WDR45: variants seen among roughly 807,000 people sequenced by gnomAD.
The protein encoded by WDR45 is WD repeat domain phosphoinositide-interacting protein 4.
WDR45 carries 2 observed loss-of-function variants against 27.3 expected under a neutral mutation model. That is an observed-to-expected ratio of 0.07 (90% CI 0.03 to 0.23). The LOEUF (loss-of-function observed/expected upper bound fraction) is 0.23. Among genes scored for constraint, WDR45 ranks in the 10% least tolerant of loss-of-function variants. The pLI, the probability that WDR45 is intolerant of heterozygous loss-of-function variation, is 1.00. For synonymous variants in WDR45, 99 were observed against 119.2 expected, an observed-to-expected ratio of 0.83 and a Z score of 1.11; for missense variants, 175 against 311.9, an observed-to-expected ratio of 0.56 and a Z score of 3.31.
chrX:49,091,773 A>G (rs1293495846), intron 2 of WDR45, among the ~76,000 whole-genome samples: 1 of 103,505 alleles, frequency 9.7e-6, no homozygotes, highest in East Asian at 3.0e-4. Context: ...AAAAAAAAAA[A>G]AAAAAAAAAA....
At chrX:49,099,158 T>C in intron 2 of WDR45, among the ~76,000 whole-genome samples, 1 of 110,519 alleles carries the variant, frequency 9.0e-6, no homozygotes, top group South Asian at 3.8e-4. Flanking sequence ...ACCCCATCCC[T>C]ACTAAAAATA....
intron 1 of WDR45, among the ~76,000 whole-genome samples, chrX:49,078,516 C>T (rs1009838249): frequency 9.0e-6 from 1 of 111,524 alleles, no homozygotes; most frequent in South Asian, 3.8e-4. Context: ...AGCGAGACTC[C>T]GTCTCGGGGG....
rs868912448 is a variant in WDR45, at chrX:49,096,382, C to A, written c.-18+3823G>T. Among the ~76,000 whole-genome samples, 5 of 111,231 alleles carry A rather than the reference C, an allele frequency of 4.5e-5. No homozygotes were observed. In the South Asian group the frequency reaches 1.5e-3, roughly 33 times the overall value. ...TGTAGCTGAGACTACAGGCACGCAC[C>A]ACCACACCCAGCTAAATTTGTTTAT... On this transcript the variant is annotated intron_variant, in intron 2 of 11. Coordinates refer to the WDR45 transcript ENST00000356463.
At chrX:49,095,758 CCTTT>C (rs2065123242) in intron 2 of WDR45, among the ~76,000 whole-genome samples, 1 of 49,953 alleles carries the variant, frequency 2.0e-5, no homozygotes, top group African/African-American at 6.4e-5. Context: ...CCGTGCCCGG[CCTTT>C]TTTTTTTTTT....
At chrX:49,086,526 T>G (rs1243217980) in intron 2 of WDR45, among the ~76,000 whole-genome samples, 3 of 111,578 alleles carry the variant, frequency 2.7e-5, no homozygotes, top group Non-Finnish European at 3.8e-5. Context: ...AGATGCTCCT[T>G]TCTCTCTGGG....
At chrX:49,084,881 C>T (rs919842101), upstream of WDR45, among the ~76,000 whole-genome samples, 4 of 111,216 alleles carry the variant, frequency 3.6e-5, no homozygotes, top group East Asian at 5.6e-4. Context: ...GTAATCTGCC[C>T]GCCTCGGCCT....
intron 2 of WDR45, among the ~76,000 whole-genome samples, chrX:49,088,745 A>C (rs2065094692): frequency 8.9e-6 from 1 of 111,820 alleles, no homozygotes; most frequent in Non-Finnish European, 1.9e-5. Context: ...TGCCTTTGGG[A>C]GGCTGACATG....
chrX:49,082,237 C>T (rs1274086933), upstream of WDR45: 1 of 24,011 alleles, frequency 4.2e-5, no homozygotes, highest in Non-Finnish European at 4.3e-3. Context: ...TGATGAAATC[C>T]CCCCTTTACT....
Position 49,077,747 on chromosome X carries a change from T to G in WDR45, c.131A>C (p.Asp44Ala). The G allele has an allele frequency of 8.3e-7, 1 of 1,200,821 alleles. No individual in the cohort carries two copies. Among genetic ancestry groups the G allele is most frequent in the Non-Finnish European group, 1.1e-6 (1 of 889,615 alleles). Residue 44 changes from aspartate (D) to alanine (A), a missense_variant and splice_region_variant, in exon 4 of 11, where the codon GAC (aspartate) becomes GCC (alanine). Physicochemically the swap from Asp to Ala is moderately radical, Grantham distance 126. This residue lies in a region of WDR45 where 102 missense variants were observed against 165.4 expected (regional missense o/e 0.62). Coordinates refer to ENST00000376372, the MANE Select transcript of WDR45 (RefSeq NM_001029896.2). ...GCCCATGCTGCCCACCTGCTCGTGG[T>G]CTGGACAGGGACCAGGGTGTCAGTG... ...VEPLMEKGHL[D>A]HEQVGSMGLV...
intron 2 of WDR45, among the ~76,000 whole-genome samples, chrX:49,098,115 C>T (rs1271970932): frequency 1.8e-5 from 2 of 111,768 alleles, no homozygotes; most frequent in Admixed American, 1.9e-4. Context: ...CCAAACTGGG[C>T]TAATTTTTTG....
chrX:49,085,067 G>A (rs1030520135), intron 2 of WDR45, among the ~76,000 whole-genome samples: 6 of 112,255 alleles, frequency 5.3e-5, no homozygotes, highest in Non-Finnish European at 9.4e-5. Context: ...GCACTGGAAC[G>A]GGAAACTGAG....
intron 2 of WDR45, among the ~76,000 whole-genome samples, chrX:49,094,924 G>T (rs2065119715): frequency 9.1e-6 from 1 of 110,236 alleles, no homozygotes; most frequent in South Asian, 3.9e-4. Context: ...TAGTAGCTGG[G>T]ATTACAGGCA....
At chrX:49,096,540 T>G (rs1177216097) in intron 2 of WDR45, among the ~76,000 whole-genome samples, 1 of 112,620 alleles carries the variant, frequency 8.9e-6, no homozygotes, top group Non-Finnish European at 1.9e-5. Context: ...CTTGCTTATC[T>G]TTATAGATTC....
At chrX:49,076,909 A>C in intron 4 of WDR45, 159 bp from the exon 5 acceptor site, 2 of 468,759 alleles carry the variant, frequency 4.3e-6, no homozygotes, top group Non-Finnish European at 7.6e-6. Flanking sequence ...GCACTTGTGG[A>C]TATGATCCCT....
upstream of WDR45, among the ~76,000 whole-genome samples, chrX:49,082,987 C>T (rs782002124): frequency 9.1e-6 from 1 of 110,240 alleles, no homozygotes; most frequent in Non-Finnish European, 1.9e-5. Context: ...TCAAGCGATT[C>T]TCCTGCCTCA....
chrX:49,101,168 G>GA (rs1486173154), upstream of WDR45: 1 of 112,668 alleles, frequency 8.9e-6, no homozygotes, highest in African/African-American at 3.2e-5. Context: ...CCCAGGCACT[G>GA]AATGGCACCC....
Position 49,074,832 on chromosome X carries a change from G to C in WDR45, c.1054C>G (p.Leu352Val). 8.3e-7 allele frequency: 1 copy of C among 1,211,043 alleles called. No individual in the cohort carries two copies. Among genetic ancestry groups the C allele is most frequent in the Non-Finnish European group, 1.1e-6 (1 of 894,920 alleles). Residue 352 changes from leucine (L) to valine (V), a missense_variant, in exon 11 of 11, where the codon CTT becomes GTT. By Grantham distance (32) the Leu-to-Val change is conservative. This residue lies in a region of WDR45 where 71 missense variants were observed against 123.0 expected (regional missense o/e 0.58). Coordinates refer to ENST00000376372, the MANE Select transcript of WDR45 (RefSeq NM_001029896.2). The part of the protein sequence containing the change: ...NCNREAFDVY[L>V]DICDDDDF ...AAGTCATCATCATCACAGATGTCAA[G>C]GTACACGTCGAAAGCCTCTCTGTTG... is the stretch of plus-strand genomic sequence containing the variant.
chrX:49,099,670 A>G (rs1397446494), intron 2 of WDR45, among the ~76,000 whole-genome samples: 2 of 108,814 alleles, frequency 1.8e-5, no homozygotes, highest in Non-Finnish European at 3.8e-5. Flanking sequence ...AGTCCCAGCT[A>G]CTCAGGAGGC....
At chrX:49,076,367 C>T (rs782099912) in intron 6 of WDR45, 63 bp downstream of exon 6, 1 of 1,105,765 alleles carries the variant, frequency 9.0e-7, no homozygotes, top group Non-Finnish European at 1.2e-6. Context: ...CTTTCCTCAT[C>T]TCTGCCCCTC....
Sources: gnomAD v4.1 joint callset for allele counts (sites outside exome capture counted in the v4.1 genomes callset) on GRCh38, gnomAD v4.1.1 for gene constraint, gnomAD v4.1.1 regional missense constraint, MANE v1.5 for transcripts, NCBI Gene and HGNC (gene_info 2026-07-23, HGNC 2026-07-21) for gene names.